Variants in FAT1 observed in about 807,000 individuals in gnomAD.
FAT1 encodes the protein FAT atypical cadherin 1.
FAT1 carries 171 observed loss-of-function variants against 329.8 expected under a neutral mutation model. The observed-to-expected ratio is 0.52, with a 90% CI of 0.46 to 0.59. FAT1 has a LOEUF of 0.59. FAT1 is among the 20% of genes least tolerant of loss of function. The probability of loss-of-function intolerance (pLI) is 0.00; values close to 1 mark genes in which losing one functional copy is unlikely to be tolerated. For synonymous variants in FAT1, 2,233 were observed against 2,228.6 expected (o/e 1.00, Z -0.06); for missense variants, 5,672 against 5,774.4 (o/e 0.98, Z 0.57).
In FAT1 at chr4:186,619,101, G is replaced by A. The variant is rs775884355; in HGVS notation, c.7485C>T (p.Asn2495=). The A allele has an allele frequency of 4.8e-5, 78 of 1,613,916 alleles. 2 individuals are homozygous for A. The highest frequency in any genetic ancestry group is 3.4e-4 in the South Asian group (31 of 91,084). ...TTTCAGCTAGTTCCACTTCATATTC[G>A]TTCTGAAGGAAAGCAGGACTGTGCA... The part of the protein sequence containing the change: ...GNLHSPAFLQ[N]EYEVELAENA... Residue 2495 remains asparagine, a synonymous_variant, in exon 10 of 27, where the codon AAC becomes AAT. Transcript: ENST00000441802.
chr4:186,703,340 A>G lies in FAT1; in HGVS notation c.3265+3223T>C, dbSNP rs902834022. Among the ~76,000 whole-genome samples the G allele has an allele frequency of 3.3e-5, 5 of 152,228 alleles. No homozygotes were observed. In the South Asian group the frequency reaches 8.3e-4, roughly 25 times the overall value. On this transcript the variant is annotated intron_variant, in intron 2 of 26. Transcript: ENST00000441802. ...TCTACTTCTACAAAAACAGAAAACT[A>G]CGTTTCAGAGGATGTTTCCAATTTA...
intron 17 of FAT1, 93 bp downstream of exon 17, chr4:186,605,973 TAGAA>T (rs1739114600): frequency 1.0e-5 from 12 of 1,198,026 alleles, no homozygotes; most frequent in Non-Finnish European, 1.4e-5. Flanking sequence ...CCCATTTTTC[TAGAA>T]AGAAACCTTT....
chr4:186,613,363 A>G (rs2126476634), intron 12 of FAT1, 21 bp from the exon 13 acceptor site: 2 of 1,566,496 alleles, frequency 1.3e-6, no homozygotes, highest in Non-Finnish European at 1.8e-6. Context: ...AAACAAATGG[A>G]CTCACTTGTA....
chr4:186,706,234 A>G (rs547494188), intron 2 of FAT1, among the ~76,000 whole-genome samples: 6 of 152,362 alleles, frequency 3.9e-5, no homozygotes, highest in African/African-American at 1.4e-4. Context: ...TCAAAGTCAG[A>G]ACAAAACCAT....
chr4:186,599,301 T>A (rs1738679878), intron 22 of FAT1, among the ~76,000 whole-genome samples: 1 of 152,206 alleles, frequency 6.6e-6, no homozygotes, highest in African/African-American at 2.4e-5. Context: ...CTGTTCATTA[T>A]ACCAAGCTCT....
At chr4:186,682,713 G>A (rs1743287202) in intron 2 of FAT1, among the ~76,000 whole-genome samples, 1 of 152,138 alleles carries the variant, frequency 6.6e-6, no homozygotes, top group Non-Finnish European at 1.5e-5. Context: ...TAGCAAAGAG[G>A]ACACTGGGTC....
intron 9 of FAT1, among the ~76,000 whole-genome samples, chr4:186,627,752 G>T (rs1165502143): frequency 6.6e-6 from 1 of 152,186 alleles, no homozygotes; most frequent in Non-Finnish European, 1.5e-5. Flanking sequence ...CTGCTCAAGA[G>T]AAAATACTCT....
rs114775156 is a variant in FAT1, at chr4:186,617,685, C to T, written c.8878+23G>A. 3.4e-3 allele frequency: 5,131 copies of T among 1,508,550 alleles called. 154 individuals carry two copies. In the African/African-American group the frequency reaches 0.063, roughly 18 times the overall value. 93.4% of individuals were successfully genotyped at this position (1,508,550 alleles called of 1,614,324 possible). On this transcript the variant is annotated intron_variant, in intron 10 of 26. Coordinates refer to ENST00000441802, the MANE Select transcript of FAT1 (RefSeq NM_005245.4). ...AAAAATCATTTTAAATTAATTAAAC[C>T]GTTTGGTATGAATTTTTTTTACCTG...
intron 11 of FAT1, 147 bp from the exon 12 acceptor site, chr4:186,614,491 G>A (rs1286857720): frequency 2.5e-5 from 14 of 570,578 alleles, no homozygotes; most frequent in Middle Eastern, 4.1e-4. Flanking sequence ...CTTTGAAAAC[G>A]ATTTTTCTCA....
intron 13 of FAT1, 128 bp downstream of exon 13, chr4:186,612,981 C>T: frequency 1.7e-6 from 1 of 603,232 alleles, no homozygotes; most frequent in East Asian, 2.8e-5. Context: ...TTTCCTTCCA[C>T]AAGGAAGGGC....
chr4:186,592,541 T>C (rs1046690008), intron 26 of FAT1, among the ~76,000 whole-genome samples: 2 of 152,246 alleles, frequency 1.3e-5, no homozygotes, highest in African/African-American at 4.8e-5. Context: ...AGCACTCATA[T>C]TACGTATATA....
At chr4:186,721,670 G>A (rs141760302) in intron 1 of FAT1, among the ~76,000 whole-genome samples, 78 of 152,248 alleles carry the variant, frequency 5.1e-4, no homozygotes, top group African/African-American at 1.8e-3. Context: ...CCAAACTTGG[G>A]TGGAAAGCAA....
At chr4:186,680,879 C>T (rs185158633) in intron 2 of FAT1, among the ~76,000 whole-genome samples, 32 of 152,226 alleles carry the variant, frequency 2.1e-4, no homozygotes, top group South Asian at 8.3e-4. Context: ...AGACTGAAAT[C>T]GGCTTTTCTG....
chr4:186,680,417 C>T (rs1743156049), intron 2 of FAT1, among the ~76,000 whole-genome samples: 1 of 152,158 alleles, frequency 6.6e-6, no homozygotes, highest in South Asian at 2.1e-4. Context: ...ACTGTGAAAA[C>T]ACTGAATAGG....
intron 2 of FAT1, among the ~76,000 whole-genome samples, chr4:186,703,463 C>T (rs1472443262): frequency 6.6e-6 from 1 of 152,188 alleles, no homozygotes; most frequent in Non-Finnish European, 1.5e-5. Context: ...ATAAATGATA[C>T]ACATATTTGA....
At chr4:186,665,573 T>G (rs1742398144) in intron 2 of FAT1, among the ~76,000 whole-genome samples, 1 of 152,228 alleles carries the variant, frequency 6.6e-6, no homozygotes, top group East Asian at 1.9e-4. Flanking sequence ...TTGAGTTCTT[T>G]GTAGATTCTG....
At position 186,588,492 on chromosome 4, in the gene FAT1, C is replaced by T. The variant is rs1284128274; in HGVS notation, c.*100G>A. The T allele has an allele frequency of 1.1e-5, 15 of 1,424,950 alleles. No homozygotes were observed. The highest frequency in any genetic ancestry group is 1.3e-5 in the Non-Finnish European group (14 of 1,071,370). The allele number at this position is 1,424,950 out of a possible 1,614,324, so 88.3% of individuals were successfully genotyped here. A position where few individuals can be genotyped will look rare whatever the true frequency, so the allele number is the denominator to read the frequency against. On this transcript the variant is annotated 3_prime_UTR_variant, in exon 27 of 27. Transcript: ENST00000441802. ...CCAGCGCAGCCATGCCCATTCGGCT[C>T]ACCAAAAAAAGCTTGGAAGCACTGC... is the stretch of plus-strand genomic sequence containing the variant.
intron 21 of FAT1, among the ~76,000 whole-genome samples, chr4:186,600,952 T>C (rs1261251210): frequency 6.6e-6 from 1 of 152,204 alleles, no homozygotes; most frequent in East Asian, 1.9e-4. Flanking sequence ...CCTCAAGTGA[T>C]CCACCCGCCT....
intron 6 of FAT1, among the ~76,000 whole-genome samples, chr4:186,634,399 T>A (rs1223001322): frequency 6.6e-6 from 1 of 152,196 alleles, no homozygotes; most frequent in African/African-American, 2.4e-5. Context: ...ATATTTTTGA[T>A]AAAACTCTCT....
Sources: gnomAD v4.1 joint callset for allele counts (sites outside exome capture counted in the v4.1 genomes callset) on GRCh38, gnomAD v4.1.1 for gene constraint, MANE v1.5 for transcripts, NCBI Gene and HGNC (gene_info 2026-07-23, HGNC 2026-07-21) for gene names.